Variants in RBFOX2 observed in about 807,000 individuals in gnomAD.
The protein encoded by RBFOX2 is RNA binding fox-1 homolog 2.
A neutral mutation model predicts 49.1 loss-of-function variants in RBFOX2; 10 were observed. The ratio of observed to expected loss-of-function variants is 0.20; its 90% CI spans 0.13 to 0.35. The LOEUF (loss-of-function observed/expected upper bound fraction) is 0.35, where lower values mean the gene tolerates loss of function less well. Ranked by LOEUF, RBFOX2 falls within the 10% of genes least tolerant of loss-of-function variation. The pLI is 1.00. For synonymous variants in RBFOX2, 183 were observed against 187.4 expected (o/e 0.98, Z 0.19); for missense variants, 323 against 486.9 (o/e 0.66, Z 3.17).
At chr22:35,849,390 TTGTC>T (rs2041641025) in intron 1 of RBFOX2, among the ~76,000 whole-genome samples, 1 of 151,616 alleles carries the variant, frequency 6.6e-6, no homozygotes, top group Non-Finnish European at 1.5e-5. Context: ...CCAACCACCT[TTGTC>T]TGGCCGCCAA....
chr22:36,006,462 TC>T (rs1311154171), intron 1 of RBFOX2, among the ~76,000 whole-genome samples: 3 of 152,204 alleles, frequency 2.0e-5, no homozygotes, highest in Non-Finnish European at 4.4e-5. Context: ...TTTTCTTTGT[TC>T]TTTTTTGCTT....
At chr22:35,746,743 T>TA in intron 9 of RBFOX2, 182 bp from the exon 12 acceptor site, 1 of 403,628 alleles carries the variant, frequency 2.5e-6, no homozygotes, top group Non-Finnish European at 4.4e-6. Context: ...ATTCCTCCAA[T>TA]AAAAAATTAA....
At chr22:35,915,977 T>C (rs1391328697) in intron 1 of RBFOX2, among the ~76,000 whole-genome samples, 1 of 152,186 alleles carries the variant, frequency 6.6e-6, no homozygotes, top group Non-Finnish European at 1.5e-5. Context: ...TATTCTTTAA[T>C]CCCAAAGCCA....
rs952359972 is a variant in RBFOX2 at position 35,874,815 on chromosome 22, T to TC, written c.-34+64031dup. ...AAGTGTTATGGACCAAGTGTTTGTG[T>TC]CCCCCCAACTCCAAGTTCCTATGTT... On this transcript the variant is annotated intron_variant, in intron 1 of 13. Transcript: ENST00000359369. Among the ~76,000 whole-genome samples, 6 of 152,202 alleles carry TC rather than the reference T, an allele frequency of 3.9e-5. No individual in the cohort carries two copies. The East Asian group carries it at 5.8e-4, about 15-fold the overall frequency.
At position 35,969,929 on chromosome 22, in the gene RBFOX2, G is replaced by A. The variant is rs111756429; in HGVS notation, c.187-31032C>T. ...CTGTGCATGTGCAGTTTTCTCACCC[G>A]CAAATGGACTTGAGGCCATTTATCC... On this transcript the variant is annotated intron_variant, in intron 1 of 13. Coordinates refer to the RBFOX2 transcript ENST00000438146. 2.3e-3 allele frequency among the ~76,000 whole-genome samples: 351 copies of A among 152,292 alleles called. 1 individual carries two copies. The highest frequency in any genetic ancestry group is 8.3e-3 in the African/African-American group (343 of 41,558).
intron 1 of RBFOX2, among the ~76,000 whole-genome samples, chr22:36,016,353 T>C (rs1454493177): frequency 1.3e-5 from 2 of 152,146 alleles, no homozygotes; most frequent in Non-Finnish European, 2.9e-5. Context: ...ACATAGCTTC[T>C]GCCTCCACCC....
At chr22:35,886,557 T>C (rs2046605540) in intron 1 of RBFOX2, among the ~76,000 whole-genome samples, 1 of 152,238 alleles carries the variant, frequency 6.6e-6, no homozygotes, top group African/African-American at 2.4e-5. Context: ...ACCTCGGCTA[T>C]ACGGTATGTA....
At chr22:35,916,377 A>C (rs938624663) in intron 1 of RBFOX2, among the ~76,000 whole-genome samples, 12 of 152,088 alleles carry the variant, frequency 7.9e-5, no homozygotes, top group African/African-American at 2.9e-4. Flanking sequence ...TGCCTCCCGG[A>C]TTCAAGCAAT....
rs546702185 is a variant in RBFOX2, at chr22:35,816,247, A to G, written c.28-6243T>C. Among the ~76,000 whole-genome samples the G allele has an allele frequency of 6.6e-5, 10 of 152,290 alleles. No homozygotes were observed. The South Asian group carries it at 2.1e-3, about 32-fold the overall frequency. On this transcript the variant is annotated intron_variant, in intron 1 of 11. Transcript: ENST00000405409. ...ATCTCCTTCCTTCAGTATCTAAAAT[A>G]TTCTCGTTTTTTGTTTTGTTTTGTT...
intron 1 of RBFOX2, among the ~76,000 whole-genome samples, chr22:36,000,716 T>C (rs535632065): frequency 6.6e-6 from 1 of 152,272 alleles, no homozygotes; most frequent in South Asian, 2.1e-4. Flanking sequence ...ACCTCCCATC[T>C]GTTTTCCTTC....
At chr22:35,999,746 G>A (rs1184023728) in intron 1 of RBFOX2, 2 of 151,976 alleles carry the variant, frequency 1.3e-5, no homozygotes. Context: ...TTTTGGTTAA[G>A]CACACACACT....
At chr22:35,851,644 T>C (rs527937818) in intron 1 of RBFOX2, among the ~76,000 whole-genome samples, 4 of 152,028 alleles carry the variant, frequency 2.6e-5, no homozygotes, top group South Asian at 2.1e-4. Context: ...CTGGCTAACA[T>C]GGCAAAACCC....
chr22:35,810,306 C>T (rs905060762), intron 1 of RBFOX2, among the ~76,000 whole-genome samples: 13 of 151,522 alleles, frequency 8.6e-5, no homozygotes, highest in Non-Finnish European at 1.5e-4. Flanking sequence ...AAAAATCTTT[C>T]CTTTAAATTA....
chr22:35,909,871 C>G (rs1443383786), intron 1 of RBFOX2, among the ~76,000 whole-genome samples: 2 of 152,190 alleles, frequency 1.3e-5, no homozygotes, highest in African/African-American at 4.8e-5. Flanking sequence ...CCTCGGCCTC[C>G]CAAAGTGCTG....
chr22:35,946,512 C>CGCT, intron 1 of RBFOX2, among the ~76,000 whole-genome samples: 1 of 152,278 alleles, frequency 6.6e-6, no homozygotes. Flanking sequence ...AATCAGGTGA[C>CGCT]GCTTATCTGG....
chr22:35,943,320 TG>T (rs2053900658), upstream of RBFOX2, among the ~76,000 whole-genome samples: 1 of 152,166 alleles, frequency 6.6e-6, no homozygotes, highest in Non-Finnish European at 1.5e-5. Context: ...GAAAAGCTAC[TG>T]GAACAGACAA....
chr22:35,812,228 C>T lies in RBFOX2; in HGVS notation c.28-2224G>A, dbSNP rs112906694. Among the ~76,000 whole-genome samples, 332 of 151,532 alleles carry T rather than the reference C, an allele frequency of 2.2e-3. 2 individuals carry two copies. Among genetic ancestry groups the T allele is most frequent in the Middle Eastern group, 6.8e-3 (2 of 292 alleles). ...GTGAACTGACATCGCTGCCATTAAA[C>T]TCTAGCCCGGGCAACAGAGTGAGTG... On this transcript the variant is annotated intron_variant, in intron 1 of 11. Coordinates refer to ENST00000405409, the Ensembl canonical transcript of RBFOX2.
At chr22:35,885,843 A>ATTTTTTTTTTT (rs538674450) in intron 1 of RBFOX2, among the ~76,000 whole-genome samples, 3 of 83,146 alleles carry the variant, frequency 3.6e-5, no homozygotes, top group African/African-American at 1.1e-4. Context: ...CCCAAACCTA[A>ATTTTTTTTTTT]TTTTTTTTTT....
chr22:36,023,764 C>T (rs1036303119), intron 1 of RBFOX2, among the ~76,000 whole-genome samples: 1 of 152,148 alleles, frequency 6.6e-6, no homozygotes, highest in African/African-American at 2.4e-5. Context: ...GTTCACGTTT[C>T]TCTATTTCTG....
Sources: allele counts gnomAD v4.1 joint callset (sites outside exome capture counted in the v4.1 genomes callset), GRCh38; gene constraint gnomAD v4.1.1; transcripts MANE v1.5; gene names NCBI Gene and HGNC (gene_info 2026-07-23, HGNC 2026-07-21).